FAM162A: variants seen among roughly 807,000 people sequenced by gnomAD.
The protein encoded by FAM162A is protein FAM162A.
In FAM162A, 23 loss-of-function variants were observed where a neutral mutation model predicts 21.8. That is an observed-to-expected ratio of 1.05 (90% CI 0.76 to 1.49). FAM162A has a LOEUF of 1.49. Ranked by LOEUF, FAM162A falls within the 40% of genes most tolerant of loss-of-function variation. FAM162A has a pLI of 0.00. For synonymous variants in FAM162A, 53 were observed against 61.3 expected, an observed-to-expected ratio of 0.86 and a Z score of 0.64; for missense variants, 165 against 186.4, an observed-to-expected ratio of 0.89 and a Z score of 0.67.
chr3:122,402,861 G>C lies in FAM162A; in HGVS notation c.136G>C (p.Glu46Gln). 1 of 1,606,050 alleles carries C rather than the reference G, an allele frequency of 6.2e-7. No individual in the cohort carries two copies. The highest frequency in any genetic ancestry group is 8.5e-7 in the Non-Finnish European group (1 of 1,176,944). ...RINGFCTKPQ[E>Q]SPGAPSRTYN... Reference sequence around the variant, plus strand: ...AAATGGATTTTGCACAAAACCACAGGAAAGTCCCGGAGCTCCATCCCGTAA... The same window carrying C: ...AAATGGATTTTGCACAAAACCACAGCAAAGTCCCGGAGCTCCATCCCGTAA... The change falls in exon 2 of 5, where the codon GAA becomes CAA. Residue 46 changes from glutamate (E) to glutamine (Q), a missense_variant. Glu to Gln is a conservative substitution (Grantham distance 29). Transcript: ENST00000477892.
chr3:122,388,748 A>G (rs1286886983), intron 1 of FAM162A, among the ~76,000 whole-genome samples: 1 of 152,150 alleles, frequency 6.6e-6, no homozygotes. Flanking sequence ...AATGATGAGA[A>G]TCTAAAAAAA....
At chr3:122,407,199 T>G in intron 3 of FAM162A, 82 bp from the exon 4 acceptor site, 1 of 1,138,874 alleles carries the variant, frequency 8.8e-7, no homozygotes. Flanking sequence ...ACATTTTGAA[T>G]TTATACACAG....
At chr3:122,398,797 AATTAT>A (rs1309625179) in intron 1 of FAM162A, among the ~76,000 whole-genome samples, 1 of 152,230 alleles carries the variant, frequency 6.6e-6, no homozygotes, top group African/African-American at 2.4e-5. Context: ...AACATTTAAA[AATTAT>A]ATTAGTATTT....
At position 122,410,114 on chromosome 3, in the gene FAM162A, A is replaced by T. The variant is rs570357138; in HGVS notation, c.*283A>T. 1 of 401,512 alleles carries T rather than the reference A, an allele frequency of 2.5e-6. No individual in the cohort carries two copies. The highest frequency in any genetic ancestry group is 3.6e-5 in the Admixed American group (1 of 27,748). 24.9% of individuals were successfully genotyped at this position (401,512 alleles called of 1,614,324 possible). On this transcript the variant is annotated 3_prime_UTR_variant, in exon 5 of 5. Transcript: ENST00000477892. ...AACTCTTCAGAGAAGCAGGTACCAT[A>T]TCTTACTTCTCTTCCCATTATCAAA...
At chr3:122,400,120 A>G (rs1279351641) in intron 1 of FAM162A, among the ~76,000 whole-genome samples, 1 of 152,078 alleles carries the variant, frequency 6.6e-6, no homozygotes, top group African/African-American at 2.4e-5. Context: ...CTTGGAACCA[A>G]CCCAAATGCC....
chr3:122,407,184 C>G (rs746346007), intron 3 of FAM162A, 97 bp from the exon 4 acceptor site: 113 of 902,378 alleles, frequency 1.3e-4, no homozygotes, highest in Non-Finnish European at 8.4e-5. Context: ...TTTATAGACA[C>G]TACTACATTT....
At chr3:122,402,685 C>T (rs541740165) in intron 1 of FAM162A, 75 bp from the exon 2 acceptor site, 119 of 1,340,816 alleles carry the variant, frequency 8.9e-5, no homozygotes, top group Admixed American at 1.7e-4. Context: ...ACGTAACTTG[C>T]GGGTATTTCT....
At chr3:122,393,336 A>G (rs2075612417) in intron 1 of FAM162A, among the ~76,000 whole-genome samples, 1 of 147,402 alleles carries the variant, frequency 6.8e-6, no homozygotes, top group African/African-American at 2.4e-5. Flanking sequence ...ATTTGTGACA[A>G]TCTGAGGAGC....
At chr3:122,397,104 A>G (rs1560000460) in intron 1 of FAM162A, among the ~76,000 whole-genome samples, 3 of 152,236 alleles carry the variant, frequency 2.0e-5, no homozygotes, top group Admixed American at 6.5e-5. Flanking sequence ...GTAGGGAATT[A>G]TGTATCAATA....
At chr3:122,386,205 G>A (rs1211356097) in intron 1 of FAM162A, among the ~76,000 whole-genome samples, 2 of 152,162 alleles carry the variant, frequency 1.3e-5, no homozygotes, top group Non-Finnish European at 2.9e-5. Flanking sequence ...GGCTTTTCAA[G>A]AAAGAAGACT....
intron 2 of FAM162A, among the ~76,000 whole-genome samples, chr3:122,404,030 C>T (rs1392896219): frequency 6.6e-6 from 1 of 152,152 alleles, no homozygotes; most frequent in Admixed American, 6.5e-5. Flanking sequence ...TTTTCTTAGT[C>T]TGCTGAAGTC....
In FAM162A at chr3:122,402,769, T is replaced by C; in HGVS notation, c.44T>C (p.Phe15Ser). 1 of 1,550,890 alleles carries C rather than the reference T, an allele frequency of 6.4e-7. No homozygotes were observed. Among genetic ancestry groups the C allele is most frequent in the Non-Finnish European group, 8.7e-7 (1 of 1,151,686 alleles). ...SGLRLAAGSCFRLCERDVSSS... is the reference protein window; with the variant it reads ...SGLRLAAGSCSRLCERDVSSS... ...TTCCTCTCTTTTTTAGGAAGCTGTT[T>C]TAGGTTATGTGAAAGAGATGTTTCC... The change falls in exon 2 of 5, where the codon TTT becomes TCT. Residue 15 changes from phenylalanine to serine, a missense_variant. Coordinates refer to ENST00000477892, the MANE Select transcript of FAM162A (RefSeq NM_014367.4).
intron 1 of FAM162A, among the ~76,000 whole-genome samples, chr3:122,393,838 G>C (rs2075615219): frequency 6.6e-6 from 1 of 152,216 alleles, no homozygotes; most frequent in Admixed American, 6.5e-5. Context: ...GGAAAAACCT[G>C]AGAGGTCTCT....
chr3:122,409,219 T>A (rs113353703), intron 4 of FAM162A, among the ~76,000 whole-genome samples: 2 of 152,148 alleles, frequency 1.3e-5, no homozygotes, highest in African/African-American at 4.8e-5. Flanking sequence ...AAGGTTGGAA[T>A]TGTAGTACAG....
intron 3 of FAM162A, among the ~76,000 whole-genome samples, chr3:122,406,163 G>A (rs1283120675): frequency 6.6e-6 from 1 of 152,184 alleles, no homozygotes; most frequent in Non-Finnish European, 1.5e-5. Context: ...ATCATCTAGA[G>A]ATAATCACTT....
intron 1 of FAM162A, among the ~76,000 whole-genome samples, chr3:122,391,823 G>A (rs998599677): frequency 6.6e-6 from 1 of 152,206 alleles, no homozygotes; most frequent in Non-Finnish European, 1.5e-5. Context: ...CCCTTCAAGA[G>A]TGACATTCTC....
At chr3:122,385,422 C>CCTAAAATAT (rs1482367899) in intron 1 of FAM162A, among the ~76,000 whole-genome samples, 2 of 152,126 alleles carry the variant, frequency 1.3e-5, no homozygotes, top group Non-Finnish European at 2.9e-5. Flanking sequence ...AACTAATTCA[C>CCTAAAATAT]CTAAAATATC....
At chr3:122,399,325 TTTTA>T (rs1048690991) in intron 1 of FAM162A, among the ~76,000 whole-genome samples, 2 of 151,760 alleles carry the variant, frequency 1.3e-5, no homozygotes, top group African/African-American at 4.8e-5. Flanking sequence ...CATTTTCTTA[TTTTA>T]TTTATTTATT....
In FAM162A at chr3:122,409,723, A is replaced by AT. The variant is rs1298300880; in HGVS notation, c.373-15dup. ...ACCAGCATACAAATCACCTGTTCAA[A>AT]TCTGTTTTGCTTTAGGCTGCCCAAA... On this transcript the variant is annotated splice_polypyrimidine_tract_variant and intron_variant, in intron 4 of 4. Coordinates refer to ENST00000477892, the MANE Select transcript of FAM162A (RefSeq NM_014367.4). 5 of 1,612,812 alleles carry AT rather than the reference A, an allele frequency of 3.1e-6. No homozygotes were observed. In the African/African-American group the frequency reaches 6.7e-5, roughly 22 times the overall value.
Sources: allele counts gnomAD v4.1 joint callset (sites outside exome capture counted in the v4.1 genomes callset), GRCh38; gene constraint gnomAD v4.1.1; transcripts MANE v1.5; gene names NCBI Gene and HGNC (gene_info 2026-07-23, HGNC 2026-07-21).